The following SYNE1 variants were observed in gnomAD, a reference collection of about 807,000 sequenced individuals.
SYNE1 encodes spectrin repeat containing nuclear envelope protein 1, also known as nesprin-1.
Under a neutral mutation model 1,111.0 loss-of-function variants are expected in SYNE1, and 616 were observed. The ratio of observed to expected loss-of-function variants is 0.55; its 90% CI spans 0.52 to 0.59. The LOEUF (loss-of-function observed/expected upper bound fraction) is 0.59. Among genes scored for constraint, SYNE1 ranks in the 20% least tolerant of loss-of-function variants. The probability of loss-of-function intolerance (pLI) is 0.00; values close to 1 mark genes in which losing one functional copy is unlikely to be tolerated. For missense variants in SYNE1, 10,006 were observed against 10,417.0 expected (o/e 0.96, Z 1.72); for synonymous variants, 3,855 against 3,825.8 (o/e 1.01, Z -0.28).
chr6:152,421,749 A>G (rs901228746), intron 39 of SYNE1, among the ~76,000 whole-genome samples: 1 of 151,422 alleles, frequency 6.6e-6, no homozygotes, highest in East Asian at 1.9e-4. Context: ...CTTGTTGCCC[A>G]GGCTGGAGTG....
Position 152,413,380 on chromosome 6 carries a change from C to T in SYNE1, c.6202G>A (p.Asp2068Asn), listed in dbSNP as rs144797013. The T allele has an allele frequency of 6.2e-7, 1 of 1,614,088 alleles. No individual in the cohort carries two copies. Among genetic ancestry groups the T allele is most frequent in the Non-Finnish European group, 8.5e-7 (1 of 1,180,018 alleles). The change falls in exon 42 of 146, where the codon GAT (aspartate) becomes AAT (asparagine). Residue 2068 changes from aspartate (D) to asparagine (N), a missense_variant. By Grantham distance (23) the Asp-to-Asn change is conservative. Transcript: ENST00000367255. ...TCATGAATTAGTCTTTTGGTATCAT[C>T]CCAGGTGACCTCTAAGCGGTTTATC... ...REINRLEVTW[D>N]DTKRLIHENQ...
chr6:152,178,654 T>C (rs75491298), intron 129 of SYNE1, among the ~76,000 whole-genome samples: 197 of 152,310 alleles, frequency 1.3e-3, no homozygotes, highest in Non-Finnish European at 2.4e-3. Flanking sequence ...CAGTAAATAC[T>C]GGCTGAGTGC....
At chr6:152,636,032 C>T (rs79919881) in intron 2 of SYNE1, among the ~76,000 whole-genome samples, 2,117 of 152,280 alleles carry the variant, frequency 0.014, 30 homozygotes, top group Non-Finnish European at 0.024. Flanking sequence ...TCCCAGAACT[C>T]CTCCGCCAGC....
chr6:152,212,449 A>T (rs1025035047), intron 123 of SYNE1, among the ~76,000 whole-genome samples: 2 of 152,218 alleles, frequency 1.3e-5, no homozygotes, highest in African/African-American at 4.8e-5. Context: ...TGCAACATAT[A>T]TCAGTACCTT....
At chr6:152,630,853 A>G (rs1368762336) in intron 2 of SYNE1, among the ~76,000 whole-genome samples, 2 of 152,202 alleles carry the variant, frequency 1.3e-5, no homozygotes, top group Non-Finnish European at 2.9e-5. Context: ...TCCTCTTCTA[A>G]TTCACATTCA....
In SYNE1 at chr6:152,228,218, C is replaced by T. The variant is rs530566068; in HGVS notation, c.21195+2329G>A. ...TAGGCCATTGTGATTTATTTATATGCGTTGTCCCAAAATAATTATATGGGC... is the reference window on the plus strand; with the variant it reads ...TAGGCCATTGTGATTTATTTATATGTGTTGTCCCAAAATAATTATATGGGC... On this transcript the variant is annotated intron_variant, in intron 115 of 145. Transcript: ENST00000367255. Among the ~76,000 whole-genome samples, 8 of 152,240 alleles carry T rather than the reference C, an allele frequency of 5.3e-5. No individual in the cohort carries two copies. In the South Asian group the frequency reaches 6.2e-4, roughly 12 times the overall value.
chr6:152,472,451 C>G, intron 14 of SYNE1, 38 bp from the exon 15 acceptor site: 1 of 1,570,042 alleles, frequency 6.4e-7, no homozygotes, highest in Non-Finnish European at 8.8e-7. Context: ...AAATGAAAAA[C>G]ATGTTTCACA....
At chr6:152,575,620 A>T (rs1322509) in intron 3 of SYNE1, among the ~76,000 whole-genome samples, 106,278 of 152,094 alleles carry the variant, frequency 0.7, 38,240 homozygotes, top group African/African-American at 0.86. Flanking sequence ...AAGATTGTGG[A>T]GTCAACATAA....
chr6:152,427,035 C>A (rs1163796176), intron 38 of SYNE1, among the ~76,000 whole-genome samples: 1 of 152,144 alleles, frequency 6.6e-6, no homozygotes, highest in Admixed American at 6.5e-5. Context: ...TTGAATTTTC[C>A]AGCATAGACA....
At chr6:152,449,865 G>T (rs2098632679) in intron 27 of SYNE1, among the ~76,000 whole-genome samples, 2 of 152,192 alleles carry the variant, frequency 1.3e-5, no homozygotes. Flanking sequence ...GGGGAGCTCA[G>T]CTAAGGAAAA....
rs778126141 is a variant in SYNE1, at chr6:152,206,245, C to T, written c.22942G>A (p.Ala7648Thr). Residue 7648 changes from alanine (A) to threonine (T), a missense_variant, in exon 126 of 146, where the codon GCT (alanine) becomes ACT (threonine). Ala to Thr is a moderately conservative substitution (Grantham distance 58). Around this residue, in one of 7 missense-constraint regions of SYNE1, gnomAD observed 2,182 missense variants for 2,287.8 expected, o/e 0.95. Transcript: ENST00000367255. ...GAEAALQAEL[A>T]EIQEKWKSAS... ...GATTTCCATTTCTCTTGGATTTCAG[C>T]GAGTTCGGCCTGCAAGGCGGCCTCA... 14 of 1,613,860 alleles carry T rather than the reference C, an allele frequency of 8.7e-6. No homozygotes were observed. The East Asian group carries it at 1.8e-4, about 21-fold the overall frequency.
At chr6:152,603,577 T>A (rs1372382215) in intron 3 of SYNE1, among the ~76,000 whole-genome samples, 1 of 151,744 alleles carries the variant, frequency 6.6e-6, no homozygotes, top group Non-Finnish European at 1.5e-5. Flanking sequence ...GGTTAGGTAG[T>A]TTGGCTGCAT....
chr6:152,322,923 C>T (rs73783834), intron 82 of SYNE1, among the ~76,000 whole-genome samples: 6,682 of 152,252 alleles, frequency 0.044, 149 homozygotes, highest in African/African-American at 0.064. Flanking sequence ...GCCTTAGTTG[C>T]CTAGCTCTCT....
intron 133 of SYNE1, 50 bp from the exon 134 acceptor site, chr6:152,152,191 C>T (rs1197508709): frequency 1.3e-6 from 2 of 1,529,452 alleles, no homozygotes; most frequent in South Asian, 2.2e-5. Flanking sequence ...GAAGGACTCT[C>T]AGTAGTGGCT....
At chr6:152,385,589 A>G in intron 55 of SYNE1, 85 bp downstream of exon 55, 1 of 1,486,556 alleles carries the variant, frequency 6.7e-7, no homozygotes, top group Admixed American at 1.7e-5. Context: ...ATTTTAAATA[A>G]CAGAATCTTA....
intron 39 of SYNE1, among the ~76,000 whole-genome samples, chr6:152,424,735 C>T (rs988250337): frequency 6.6e-6 from 1 of 152,108 alleles, no homozygotes; most frequent in Admixed American, 6.6e-5. Context: ...GCTGCTATTT[C>T]CAGCACATAG....
rs754541640 is a variant in SYNE1 at position 152,385,853 on chromosome 6, A to C, written c.8488-15T>G. 8.4e-5 allele frequency: 135 copies of C among 1,613,708 alleles called. No individual in the cohort carries two copies. The highest frequency in any genetic ancestry group is 1.1e-4 in the Non-Finnish European group (125 of 1,179,888). On this transcript the variant is annotated splice_polypyrimidine_tract_variant and intron_variant, in intron 54 of 145. Transcript: ENST00000367255. ...CTCATTTTTTCCTAGTAAACAAAGA[A>C]AAGACTACCTTAACAGTGGTCCTTT...
intron 19 of SYNE1, 147 bp downstream of exon 19, chr6:152,463,206 A>C (rs975360149): frequency 5.2e-5 from 59 of 1,132,448 alleles, no homozygotes; most frequent in Non-Finnish European, 7.3e-5. Context: ...AGAATGAAGA[A>C]CCAACCATAA....
At chr6:152,629,506 G>A (rs868537872) in intron 2 of SYNE1, among the ~76,000 whole-genome samples, 2 of 124,542 alleles carry the variant, frequency 1.6e-5, no homozygotes, top group African/African-American at 3.1e-5. Context: ...GTGCCTGGCT[G>A]GTTAAGTTTC....
Sources: allele counts gnomAD v4.1 joint callset (sites outside exome capture counted in the v4.1 genomes callset), GRCh38; gene constraint gnomAD v4.1.1; regional missense constraint gnomAD v4.1.1; transcripts MANE v1.5; gene names NCBI Gene and HGNC (gene_info 2026-07-23, HGNC 2026-07-21).